Variants in GALNT17 observed in about 807,000 individuals in gnomAD.
GALNT17 encodes UDP-GalNAc:polypeptide N-acetylgalactosaminyltransferase-like 3.
GALNT17 carries 29 observed loss-of-function variants against 63.7 expected under a neutral mutation model. The observed-to-expected ratio is 0.46, with a 90% CI of 0.34 to 0.62. The LOEUF is 0.62. Ranked by LOEUF, GALNT17 falls within the 20% of genes least tolerant of loss-of-function variation. GALNT17 has a pLI of 0.01. For missense variants in GALNT17, 603 were observed against 799.6 expected (o/e 0.75, Z 2.97); for synonymous variants, 305 against 318.3 (o/e 0.96, Z 0.45).
At chr7:71,592,193 A>G (rs1181502887) in intron 6 of GALNT17, among the ~76,000 whole-genome samples, 1 of 152,178 alleles carries the variant, frequency 6.6e-6, no homozygotes, top group Non-Finnish European at 1.5e-5. Context: ...AAACCAAAGC[A>G]CTGGAGAGCC....
chr7:71,155,816 G>A (rs1050019776), intron 1 of GALNT17, among the ~76,000 whole-genome samples: 1 of 151,742 alleles, frequency 6.6e-6, no homozygotes, highest in Non-Finnish European at 1.5e-5. Flanking sequence ...AGTAGAGTAG[G>A]AAGTAGGTGG....
chr7:71,160,821 G>A (rs571755367), intron 1 of GALNT17, among the ~76,000 whole-genome samples: 1 of 152,160 alleles, frequency 6.6e-6, no homozygotes, highest in Non-Finnish European at 1.5e-5. Flanking sequence ...CAAAAGGTAC[G>A]GCCTTTTCAA....
intron 5 of GALNT17, among the ~76,000 whole-genome samples, chr7:71,551,977 G>A (rs906668470): frequency 9.2e-5 from 14 of 151,876 alleles, no homozygotes; most frequent in South Asian, 2.1e-4. Flanking sequence ...TTGCAGTTTG[G>A]GAGAGAGGCC....
At chr7:71,210,042 C>A (rs1459793460) in intron 1 of GALNT17, among the ~76,000 whole-genome samples, 1 of 152,070 alleles carries the variant, frequency 6.6e-6, no homozygotes, top group Non-Finnish European at 1.5e-5. Flanking sequence ...CCTGCCTCAG[C>A]CTCCTGAGTA....
At chr7:71,508,988 C>T (rs1788310282) in intron 5 of GALNT17, among the ~76,000 whole-genome samples, 1 of 152,140 alleles carries the variant, frequency 6.6e-6, no homozygotes, top group Non-Finnish European at 1.5e-5. Context: ...AGCCTCTCAC[C>T]TGCTTTCTCT....
chr7:71,209,928 A>G (rs1789344252), intron 1 of GALNT17, among the ~76,000 whole-genome samples: 1 of 150,594 alleles, frequency 6.6e-6, no homozygotes. Flanking sequence ...TTATTTATTT[A>G]TTTATTTATT....
At chr7:71,708,455 C>CG (rs58370099) in intron 9 of GALNT17, among the ~76,000 whole-genome samples, 149,937 of 152,186 alleles carry the variant, frequency 0.99, 73,893 homozygotes, top group South Asian at 1. Context: ...TACCTCCCAC[C>CG]GGTCCCTCCC....
At chr7:71,604,276 A>G (rs1790014833) in intron 6 of GALNT17, among the ~76,000 whole-genome samples, 1 of 152,188 alleles carries the variant, frequency 6.6e-6, no homozygotes, top group Non-Finnish European at 1.5e-5. Flanking sequence ...CTAAATGCAT[A>G]CACCAGGTAC....
intron 6 of GALNT17, among the ~76,000 whole-genome samples, chr7:71,647,319 T>A (rs1402866048): frequency 6.6e-6 from 1 of 151,606 alleles, no homozygotes; most frequent in Non-Finnish European, 1.5e-5. Context: ...TCTGCCTGCC[T>A]CGGCCTCCCA....
chr7:71,475,024 A>G (rs1222119518), intron 5 of GALNT17, among the ~76,000 whole-genome samples: 1 of 152,038 alleles, frequency 6.6e-6, no homozygotes, highest in East Asian at 1.9e-4. Context: ...GAGGCAATGA[A>G]TGGCCTCTCC....
chr7:71,585,603 T>C (rs1789703737), intron 6 of GALNT17, among the ~76,000 whole-genome samples: 1 of 152,196 alleles, frequency 6.6e-6, no homozygotes, highest in Non-Finnish European at 1.5e-5. Context: ...GTTTTCTTTT[T>C]TTTCCTCAAT....
chr7:71,541,863 CGT>C (rs1181767002), intron 5 of GALNT17, among the ~76,000 whole-genome samples: 1 of 152,178 alleles, frequency 6.6e-6, no homozygotes, highest in East Asian at 1.9e-4. Flanking sequence ...ACTTGCACAT[CGT>C]GTCTTTCTGA....
At chr7:71,492,940 C>T (rs920913380) in intron 5 of GALNT17, among the ~76,000 whole-genome samples, 2 of 152,190 alleles carry the variant, frequency 1.3e-5, no homozygotes, top group African/African-American at 2.4e-5. Flanking sequence ...CTTTAATTCA[C>T]ATGCTATGAA....
intron 1 of GALNT17, among the ~76,000 whole-genome samples, chr7:71,174,504 C>G (rs1423477449): frequency 1.3e-5 from 2 of 152,156 alleles, no homozygotes. Flanking sequence ...AGCAACATGG[C>G]TGTTTATTTC....
chr7:71,433,229 A>T (rs1786900851), intron 5 of GALNT17, among the ~76,000 whole-genome samples: 1 of 152,136 alleles, frequency 6.6e-6, no homozygotes, highest in East Asian at 1.9e-4. Context: ...GGGCTCTAAA[A>T]ACCAAACAGC....
intron 1 of GALNT17, among the ~76,000 whole-genome samples, chr7:71,292,641 G>T (rs1211822204): frequency 9.2e-6 from 1 of 108,586 alleles, no homozygotes; most frequent in Non-Finnish European, 2.0e-5. Flanking sequence ...GAGGGAGAGA[G>T]AGAGAGAGAG....
chr7:71,257,916 C>T (rs1790316800), intron 1 of GALNT17, among the ~76,000 whole-genome samples: 2 of 152,244 alleles, frequency 1.3e-5, no homozygotes, highest in South Asian at 2.1e-4. Context: ...GCAGCCTTGA[C>T]TCCTGGAAGA....
intron 9 of GALNT17, among the ~76,000 whole-genome samples, chr7:71,709,585 T>TG (rs1791763312): frequency 6.8e-6 from 1 of 147,066 alleles, no homozygotes; most frequent in Non-Finnish European, 1.5e-5. Context: ...TGGGTTTTTT[T>TG]TTTTGTTTTT....
intron 1 of GALNT17, among the ~76,000 whole-genome samples, chr7:71,225,064 GT>G (rs1445041709): frequency 6.6e-6 from 1 of 152,088 alleles, no homozygotes; most frequent in Non-Finnish European, 1.5e-5. Flanking sequence ...CACCTCCTGG[GT>G]TCAAGTGATT....
Sources: allele counts gnomAD v4.1 joint callset (sites outside exome capture counted in the v4.1 genomes callset), GRCh38; gene constraint gnomAD v4.1.1; transcripts MANE v1.5; gene names NCBI Gene and HGNC (gene_info 2026-07-23, HGNC 2026-07-21).